The following TAFA1 variants were observed in gnomAD, a reference collection of about 807,000 sequenced individuals.
TAFA1 encodes chemokine-like protein TAFA-1.
In TAFA1, 4 loss-of-function variants were observed where a neutral mutation model predicts 18.5. The observed-to-expected ratio is 0.22, with a 90% CI of 0.11 to 0.49. The LOEUF (loss-of-function observed/expected upper bound fraction) is 0.49, where lower values mean the gene tolerates loss of function less well. TAFA1 is among the 20% of genes least tolerant of loss of function. The pLI, the probability that TAFA1 is intolerant of heterozygous loss-of-function variation, is 0.98. For missense variants in TAFA1, 147 were observed against 169.0 expected, an observed-to-expected ratio of 0.87 and a Z score of 0.72; for synonymous variants, 56 against 55.2, an observed-to-expected ratio of 1.01 and a Z score of -0.06.
chr3:68,520,268 C>T (rs2073000042), intron 3 of TAFA1, among the ~76,000 whole-genome samples: 1 of 152,150 alleles, frequency 6.6e-6, no homozygotes, highest in African/African-American at 2.4e-5. Context: ...CCCTGTGGCT[C>T]GGGCTCAAGT....
intron 2 of TAFA1, among the ~76,000 whole-genome samples, chr3:68,098,068 C>A (rs976055499): frequency 6.6e-6 from 1 of 152,120 alleles, no homozygotes; most frequent in Non-Finnish European, 1.5e-5. Flanking sequence ...ACAGTCAATA[C>A]CTGTAGCTAC....
chr3:68,381,397 C>T (rs547840056), intron 2 of TAFA1, among the ~76,000 whole-genome samples: 1 of 152,010 alleles, frequency 6.6e-6, no homozygotes, highest in African/African-American at 2.4e-5. Flanking sequence ...TCTTCCTACC[C>T]ATGAGCATGG....
Position 68,343,337 on chromosome 3 carries a change from G to T in TAFA1, c.119-73943G>T, listed in dbSNP as rs140626909. On this transcript the variant is annotated intron_variant, in intron 2 of 4. Transcript: ENST00000478136. ...ACTGAGTCAGAATTTCTGGGGATAG[G>T]ACCGGTAGTTTACATTTTTAAAAAG... is the stretch of plus-strand genomic sequence containing the variant. 7.6e-3 allele frequency among the ~76,000 whole-genome samples: 1,151 copies of T among 152,264 alleles called. 7 individuals carry two copies. Among genetic ancestry groups the T allele is most frequent in the Non-Finnish European group, 0.012 (831 of 68,026 alleles).
intron 2 of TAFA1, among the ~76,000 whole-genome samples, chr3:68,229,382 GA>G (rs2066843058): frequency 6.6e-6 from 1 of 152,112 alleles, no homozygotes; most frequent in African/African-American, 2.4e-5. Flanking sequence ...TTCTAAAACA[GA>G]AAAAATACCT....
chr3:68,513,733 A>G (rs1182181155), intron 3 of TAFA1, among the ~76,000 whole-genome samples: 1 of 152,174 alleles, frequency 6.6e-6, no homozygotes, highest in Non-Finnish European at 1.5e-5. Context: ...TATTACTTCC[A>G]TTTTACAGAT....
intron 3 of TAFA1, among the ~76,000 whole-genome samples, chr3:68,506,472 G>GACACACACAC (rs55813351): frequency 0.16 from 24,707 of 150,738 alleles, 2,127 homozygotes; most frequent in Non-Finnish European, 0.19. Context: ...CACACACAGA[G>GACACACACAC]ACACACACAC....
At chr3:68,343,721 G>T (rs926374279) in intron 2 of TAFA1, among the ~76,000 whole-genome samples, 1 of 152,274 alleles carries the variant, frequency 6.6e-6, no homozygotes, top group Admixed American at 6.5e-5. Context: ...TGTCCTGTTT[G>T]TGTAGCCGGG....
chr3:68,294,772 G>A (rs1387421589), intron 2 of TAFA1, among the ~76,000 whole-genome samples: 1 of 152,166 alleles, frequency 6.6e-6, no homozygotes, highest in Non-Finnish European at 1.5e-5. Flanking sequence ...AGCTACTTGG[G>A]AGGCTGAGGT....
chr3:68,085,286 T>C (rs1245694432), intron 2 of TAFA1, among the ~76,000 whole-genome samples: 1 of 152,240 alleles, frequency 6.6e-6, no homozygotes, highest in African/African-American at 2.4e-5. Flanking sequence ...GCTAACAGTT[T>C]TCTCTCCAAC....
intron 2 of TAFA1, among the ~76,000 whole-genome samples, chr3:68,121,445 C>T (rs574383111): frequency 2.0e-5 from 3 of 152,248 alleles, no homozygotes; most frequent in South Asian, 2.1e-4. Context: ...GGATCTTTCA[C>T]ATATGCAAGT....
At chr3:68,036,908 A>G (rs1239783605) in intron 2 of TAFA1, among the ~76,000 whole-genome samples, 1 of 152,132 alleles carries the variant, frequency 6.6e-6, no homozygotes, top group Non-Finnish European at 1.5e-5. Context: ...CATTTGTACA[A>G]TCATTCACTT....
chr3:68,137,314 G>C (rs1449157412), intron 2 of TAFA1, among the ~76,000 whole-genome samples: 1 of 151,734 alleles, frequency 6.6e-6, no homozygotes, highest in African/African-American at 2.4e-5. Flanking sequence ...TTAAATGAAA[G>C]AGCAAGCCTT....
intron 2 of TAFA1, among the ~76,000 whole-genome samples, chr3:68,010,212 C>T (rs1210017623): frequency 6.6e-6 from 1 of 152,114 alleles, no homozygotes; most frequent in African/African-American, 2.4e-5. Context: ...GGAATGGCTC[C>T]CCCCAATCCC....
intron 3 of TAFA1, among the ~76,000 whole-genome samples, chr3:68,489,768 G>C (rs1001670527): frequency 1.3e-5 from 2 of 152,114 alleles, no homozygotes; most frequent in Non-Finnish European, 2.9e-5. Context: ...TAAAATAAAA[G>C]AATGGCCATT....
intron 2 of TAFA1, among the ~76,000 whole-genome samples, chr3:68,032,655 ACTC>A: frequency 6.8e-6 from 1 of 148,128 alleles, no homozygotes; most frequent in South Asian, 2.2e-4. Flanking sequence ...TTCCCTTCCC[ACTC>A]CTCCTTCTCT....
At chr3:68,038,734 A>C in intron 2 of TAFA1, among the ~76,000 whole-genome samples, 1 of 152,222 alleles carries the variant, frequency 6.6e-6, no homozygotes, top group African/African-American at 2.4e-5. Context: ...ATGACATTAA[A>C]AGTAGGAAGA....
chr3:68,023,975 G>A (rs191289295), intron 2 of TAFA1, among the ~76,000 whole-genome samples: 4 of 152,180 alleles, frequency 2.6e-5, no homozygotes, highest in Admixed American at 2.6e-4. Context: ...TCTCATTTGT[G>A]AATCTAATCT....
At chr3:67,993,784 G>A in the TAFA1 span, among the ~76,000 whole-genome samples, 1 of 152,120 alleles carries the variant, frequency 6.6e-6, no homozygotes, top group Non-Finnish European at 1.5e-5. Flanking sequence ...ATATTTTTAT[G>A]TGATAAGATT....
At chr3:68,295,040 CTCTG>C in intron 2 of TAFA1, among the ~76,000 whole-genome samples, 1 of 152,204 alleles carries the variant, frequency 6.6e-6, no homozygotes, top group Non-Finnish European at 1.5e-5. Context: ...CCCATTTGCT[CTCTG>C]TCTTTGCACA....
Sources: gnomAD v4.1 joint callset for allele counts (sites outside exome capture counted in the v4.1 genomes callset) on GRCh38, gnomAD v4.1.1 for gene constraint, MANE v1.5 for transcripts, NCBI Gene and HGNC (gene_info 2026-07-23, HGNC 2026-07-21) for gene names.